The following NOVA2 variants were observed in gnomAD, a reference collection of about 807,000 sequenced individuals.
NOVA2 encodes the protein NOVA alternative splicing regulator 2.
A neutral mutation model predicts 22.5 loss-of-function variants in NOVA2; 9 were observed. That is an observed-to-expected ratio of 0.40 (90% CI 0.24 to 0.70). The LOEUF (loss-of-function observed/expected upper bound fraction) is 0.70, where lower values mean the gene tolerates loss of function less well. Among genes scored for constraint, NOVA2 ranks in the 30% least tolerant of loss-of-function variants. The probability of loss-of-function intolerance (pLI) is 0.38; values close to 1 mark genes in which losing one functional copy is unlikely to be tolerated. For missense variants in NOVA2, 383 were observed against 682.8 expected (o/e 0.56, Z 4.89); for synonymous variants, 318 against 335.2 (o/e 0.95, Z 0.56).
At chr19:45,943,148 G>C (rs1203842493) in intron 3 of NOVA2, among the ~76,000 whole-genome samples, 1 of 151,346 alleles carries the variant, frequency 6.6e-6, no homozygotes, top group African/African-American at 2.4e-5. Flanking sequence ...CCACCTCCTG[G>C]GTTCAAGGGA....
At chr19:45,968,235 T>G (rs550303957) in intron 1 of NOVA2, among the ~76,000 whole-genome samples, 2 of 151,980 alleles carry the variant, frequency 1.3e-5, no homozygotes, top group Admixed American at 1.3e-4. Context: ...AAGGGAGAGC[T>G]GGCATGTTCT....
chr19:45,947,630 C>T (rs376321129), intron 3 of NOVA2, among the ~76,000 whole-genome samples: 27 of 152,066 alleles, frequency 1.8e-4, no homozygotes, highest in African/African-American at 2.9e-4. Context: ...CCCACCACCA[C>T]GCCCGGCTAA....
chr19:45,944,998 G>C (rs1343163161), intron 3 of NOVA2, among the ~76,000 whole-genome samples: 33 of 152,072 alleles, frequency 2.2e-4, no homozygotes. Context: ...AGGGGTCATA[G>C]CTAAGATGAT....
Position 45,935,150 on chromosome 19 carries a change from A to AGGGGGGG in NOVA2, c.*4706_*4712dup, listed in dbSNP as rs543712864. 3.0e-5 allele frequency: 1 copy of AGGGGGGG among 33,222 alleles called. No individual in the cohort carries two copies. Among genetic ancestry groups the AGGGGGGG allele is most frequent in the Non-Finnish European group, 6.1e-5 (1 of 16,322 alleles). 2.1% of individuals were successfully genotyped at this position (33,222 alleles called of 1,614,324 possible). A position where few individuals can be genotyped will look rare whatever the true frequency, so the allele number is the denominator to read the frequency against. ...GGTGGGGTAGGGAAAGGGGTGGGGG[A>AGGGGGGG]GGGGGGGTTAGGCAGTCCCCCCCCA... On this transcript the variant is annotated 3_prime_UTR_variant, in exon 4 of 4. Transcript: ENST00000263257.
Position 45,934,814 on chromosome 19 carries a change from T to C in NOVA2, c.*5049A>G, listed in dbSNP as rs746907796. The C allele has an allele frequency of 2.3e-5, 3 of 128,548 alleles. No homozygotes were observed. Among genetic ancestry groups the C allele is most frequent in the Non-Finnish European group, 4.7e-5 (3 of 63,326 alleles). The allele number at this position is 128,548 out of a possible 1,614,324, so 8.0% of individuals were successfully genotyped here. Reference sequence around the variant, plus strand: ...ATAGCATAGATATTTATAGAGGATGTCAATCCCCAGGGTGGGGCAGACCCT... The same window carrying C: ...ATAGCATAGATATTTATAGAGGATGCCAATCCCCAGGGTGGGGCAGACCCT... On this transcript the variant is annotated 3_prime_UTR_variant, in exon 4 of 4. Transcript: ENST00000263257.
chr19:45,954,189 G>A (rs1967968844), intron 2 of NOVA2, among the ~76,000 whole-genome samples: 1 of 152,200 alleles, frequency 6.6e-6, no homozygotes. Context: ...CTCTAGGGAT[G>A]GAAGAATGAT....
rs1192751967 is a variant in NOVA2 at position 45,939,673 on chromosome 19, G to A, written c.*190C>T. 7 of 699,722 alleles carry A rather than the reference G, an allele frequency of 1.0e-5. No homozygotes were observed. The East Asian group carries it at 1.9e-4, about 19-fold the overall frequency. 43.3% of individuals were successfully genotyped at this position (699,722 alleles called of 1,614,324 possible). A position where few individuals can be genotyped will look rare whatever the true frequency, so the allele number is the denominator to read the frequency against. On this transcript the variant is annotated 3_prime_UTR_variant, in exon 4 of 4. Coordinates refer to ENST00000263257, the MANE Select transcript of NOVA2 (RefSeq NM_002516.4). ...TCCGGGCTGGGGAGGGGGCTTCTGA[G>A]CCCCCTTCCCAACCGTCACTCAATC...
chr19:45,957,707 A>G (rs990549921), intron 2 of NOVA2, among the ~76,000 whole-genome samples: 1 of 151,816 alleles, frequency 6.6e-6, no homozygotes, highest in Non-Finnish European at 1.5e-5. Flanking sequence ...CTGCCTCAAT[A>G]TAAATAAATA....
rs535685772 is a variant in NOVA2 at position 45,963,050 on chromosome 19, G to T, written c.86-1897C>A. On this transcript the variant is annotated intron_variant, in intron 1 of 3. Coordinates refer to ENST00000263257, the MANE Select transcript of NOVA2 (RefSeq NM_002516.4). The stretch of plus-strand genomic sequence containing the variant: ...GCCCGTTGCCCCTACGTGCCTCCAG[G>T]ATGGAAATTCTGGACACTTCTCAGT... 1.2e-4 allele frequency among the ~76,000 whole-genome samples: 18 copies of T among 152,128 alleles called. No homozygotes were observed. In the East Asian group the frequency reaches 3.3e-3, roughly 28 times the overall value.
At chr19:45,960,635 C>T (rs1968080786) in intron 2 of NOVA2, among the ~76,000 whole-genome samples, 1 of 151,970 alleles carries the variant, frequency 6.6e-6, no homozygotes, top group East Asian at 1.9e-4. Flanking sequence ...AAGGGGGGAG[C>T]AAGTGTGTGG....
intron 2 of NOVA2, among the ~76,000 whole-genome samples, chr19:45,957,491 A>G (rs1441012671): frequency 2.7e-5 from 4 of 149,770 alleles, no homozygotes; most frequent in Non-Finnish European, 5.9e-5. Flanking sequence ...GTGAGCCGAG[A>G]TCTCACCACT....
Position 45,938,470 on chromosome 19 carries a change from C to G in NOVA2, c.*1393G>C, listed in dbSNP as rs761822765. ...CTACTATGGCTCACTGAACTCTACA[C>G]CTGGCCATACTGGCCTGACAGAGCC... On this transcript the variant is annotated 3_prime_UTR_variant, in exon 4 of 4. Transcript: ENST00000263257. 3 of 152,472 alleles carry G rather than the reference C, an allele frequency of 2.0e-5. No homozygotes were observed. The highest frequency in any genetic ancestry group is 1.9e-4 in the East Asian group (1 of 5,194). 9.4% of individuals were successfully genotyped at this position (152,472 alleles called of 1,614,324 possible). A position where few individuals can be genotyped will look rare whatever the true frequency, so the allele number is the denominator to read the frequency against.
intron 1 of NOVA2, among the ~76,000 whole-genome samples, chr19:45,966,597 G>A (rs576915978): frequency 1.3e-5 from 2 of 152,130 alleles, no homozygotes; most frequent in East Asian, 1.9e-4. Context: ...AAGAAATTAG[G>A]CCGGGTGTGG....
rs542421822 is a variant in NOVA2 at position 45,968,637 on chromosome 19, C to T, written c.85+4630G>A. The stretch of plus-strand genomic sequence containing the variant: ...TAGCGACTGTTTACTGAGCACTTAC[C>T]ATCTACCAGCCTTACGCTATGTGCT... On this transcript the variant is annotated intron_variant, in intron 1 of 3. Transcript: ENST00000263257. Among the ~76,000 whole-genome samples the T allele has an allele frequency of 3.3e-5, 5 of 152,046 alleles. No individual in the cohort carries two copies. The East Asian group carries it at 9.7e-4, about 29-fold the overall frequency.
chr19:45,940,387 C>T lies in NOVA2; in HGVS notation c.955G>A (p.Ala319Thr), dbSNP rs749140574. 3.5e-6 allele frequency: 5 copies of T among 1,429,272 alleles called. No homozygotes were observed. The highest frequency in any genetic ancestry group is 9.2e-7 in the Non-Finnish European group (1 of 1,084,140). 88.5% of individuals were successfully genotyped at this position (1,429,272 alleles called of 1,614,324 possible). Residue 319 changes from alanine to threonine, a missense_variant, in exon 4 of 4, where the codon GCA becomes ACA. This residue lies in a region of NOVA2 where 349 missense variants were observed against 578.1 expected (regional missense o/e 0.60). Coordinates refer to ENST00000263257, the MANE Select transcript of NOVA2 (RefSeq NM_002516.4). ...AGGAGGTTGGCGGCGGCGGCGGCTG[C>T]TGGGTTGGCCCCGGCGGCCACGGCG... ...LAAVAAGANPAAAAAANLLAS... is the reference protein window; with the variant it reads ...LAAVAAGANPTAAAAANLLAS...
Position 45,955,844 on chromosome 19 carries a change from G to A in NOVA2, c.230-1898C>T, listed in dbSNP as rs559445457. Among the ~76,000 whole-genome samples, 37 of 151,858 alleles carry A rather than the reference G, an allele frequency of 2.4e-4. 1 individual carries two copies. The South Asian group carries it at 4.6e-3, about 19-fold the overall frequency. On this transcript the variant is annotated intron_variant, in intron 2 of 3. Transcript: ENST00000263257. ...CTGCACTCCAGCCTGGCGGCAGAGC[G>A]GGACTCCGTCTCAAAAAAAAAACAA... is the stretch of plus-strand genomic sequence containing the variant.
intron 2 of NOVA2, among the ~76,000 whole-genome samples, chr19:45,959,198 T>C (rs1160204958): frequency 6.6e-6 from 1 of 152,072 alleles, no homozygotes; most frequent in Non-Finnish European, 1.5e-5. Context: ...CTTTTCCATT[T>C]TCCTACATTC....
At chr19:45,945,809 G>C (rs1436492036) in intron 3 of NOVA2, among the ~76,000 whole-genome samples, 1 of 151,198 alleles carries the variant, frequency 6.6e-6, no homozygotes, top group African/African-American at 2.4e-5. Context: ...TTCCCTGTTG[G>C]TCTCCCTGAC....
At chr19:45,966,450 T>G (rs1568672914) in intron 1 of NOVA2, among the ~76,000 whole-genome samples, 1 of 152,160 alleles carries the variant, frequency 6.6e-6, no homozygotes, top group African/African-American at 2.4e-5. Context: ...GTATTTTTAG[T>G]AGAGACGGGG....
Sources: allele counts gnomAD v4.1 joint callset (sites outside exome capture counted in the v4.1 genomes callset), GRCh38; gene constraint gnomAD v4.1.1; regional missense constraint gnomAD v4.1.1; transcripts MANE v1.5; gene names NCBI Gene and HGNC (gene_info 2026-07-23, HGNC 2026-07-21).